ZNF529: variants seen among roughly 807,000 people sequenced by gnomAD.
ZNF529 encodes zinc finger protein 529.
ZNF529 carries 11 observed loss-of-function variants against 10.1 expected under a neutral mutation model. The observed-to-expected ratio is 1.09, with a 90% confidence interval of 0.69 to 1.81. The LOEUF is 1.81. Among genes scored for constraint, ZNF529 ranks in the 40% most tolerant of loss-of-function variants. The pLI is 0.00. For missense variants in ZNF529, 624 were observed against 666.8 expected, an observed-to-expected ratio of 0.94 and a Z score of 0.71; for synonymous variants, 204 against 215.7, an observed-to-expected ratio of 0.95 and a Z score of 0.47.
rs758717695 is a variant in ZNF529, at chr19:36,547,772, G to T, written c.786C>A (p.Thr262=). Residue 262 remains threonine (T), a synonymous_variant, in exon 5 of 5, where the codon ACC becomes ACA. Transcript: ENST00000591340. ...KFYKCKEYRR[T]FERVGKVTPL... ...GAGTAACTTTTCCAACTCTTTCAAA[G>T]GTCCTTCTGTATTCCTTACATTTAT... is the stretch of plus-strand genomic sequence containing the variant. 6.2e-7 allele frequency: 1 copy of T among 1,612,668 alleles called. No homozygotes were observed. The highest frequency in any genetic ancestry group is 8.5e-7 in the Non-Finnish European group (1 of 1,179,426).
In ZNF529 at chr19:36,554,669, C is replaced by T; in HGVS notation, c.235+1G>A. On this transcript the variant is annotated splice_donor_variant, in intron 4 of 4. Coordinates refer to ENST00000591340, the MANE Select transcript of ZNF529 (RefSeq NM_020951.5). LOFTEE classifies it high-confidence loss of function. ...AAGTTATTTAAGGCAGATAAATTTA[C>T]CCAGTGAGAGTAAGTTGCTGTAGTT... 1 of 1,550,310 alleles carries T rather than the reference C, an allele frequency of 6.5e-7. No individual in the cohort carries two copies. The highest frequency in any genetic ancestry group is 1.2e-5 in the South Asian group (1 of 82,896).
chr19:36,585,673 A>G (rs993769265), intron 2 of ZNF529, among the ~76,000 whole-genome samples: 2 of 152,362 alleles, frequency 1.3e-5, no homozygotes, highest in Non-Finnish European at 1.5e-5. Flanking sequence ...GGCACTCTGC[A>G]TACAAAAGAG....
At chr19:36,566,579 T>G (rs965426319) in intron 2 of ZNF529, among the ~76,000 whole-genome samples, 1 of 129,968 alleles carries the variant, frequency 7.7e-6, no homozygotes, top group Admixed American at 8.0e-5. Context: ...GTCCTAGCTG[T>G]TGGGGAGGTG....
chr19:36,556,229 C>G, intron 2 of ZNF529, 32 bp from the exon 3 acceptor site: 1 of 820,330 alleles, frequency 1.2e-6, no homozygotes, highest in East Asian at 2.7e-5. Flanking sequence ...AAAGAACCAC[C>G]ATTAAAAGTC....
At chr19:36,562,821 A>G (rs2035757006) in intron 2 of ZNF529, among the ~76,000 whole-genome samples, 1 of 140,882 alleles carries the variant, frequency 7.1e-6, no homozygotes, top group African/African-American at 2.7e-5. Flanking sequence ...ACAGAGCAAC[A>G]CTCTGTCTCC....
intron 2 of ZNF529, among the ~76,000 whole-genome samples, chr19:36,578,672 G>A (rs951912916): frequency 4.0e-5 from 6 of 150,676 alleles, no homozygotes; most frequent in East Asian, 2.0e-4. Flanking sequence ...ACAGTGGTGC[G>A]ATCTTGGCTT....
chr19:36,558,272 A>T (rs1415712662), intron 2 of ZNF529, among the ~76,000 whole-genome samples: 1 of 152,108 alleles, frequency 6.6e-6, no homozygotes, highest in Non-Finnish European at 1.5e-5. Context: ...GAAATAATGG[A>T]TTTGAAATTC....
intron 1 of ZNF529, among the ~76,000 whole-genome samples, chr19:36,597,869 G>A (rs1043071119): frequency 6.6e-6 from 1 of 152,118 alleles, no homozygotes; most frequent in Non-Finnish European, 1.5e-5. Context: ...AAAAGGAGAG[G>A]TACATGAAGG....
chr19:36,584,835 T>C (rs1182691004), intron 2 of ZNF529, among the ~76,000 whole-genome samples: 3 of 151,798 alleles, frequency 2.0e-5, no homozygotes, highest in African/African-American at 4.8e-5. Context: ...AAGAAGGAGA[T>C]ACCAATTAGT....
upstream of ZNF529, among the ~76,000 whole-genome samples, chr19:36,574,518 G>A (rs1476711408): frequency 6.6e-6 from 1 of 152,100 alleles, no homozygotes; most frequent in African/African-American, 2.4e-5. Flanking sequence ...TGGCCAAGAG[G>A]AGGGGTCCAT....
At chr19:36,589,001 G>A (rs2036645902) in intron 2 of ZNF529, among the ~76,000 whole-genome samples, 1 of 150,992 alleles carries the variant, frequency 6.6e-6, no homozygotes, top group Admixed American at 6.6e-5. Flanking sequence ...GGAGTGCAAT[G>A]GCACAGATCA....
chr19:36,552,445 T>TCAACAA (rs113463285), intron 4 of ZNF529, among the ~76,000 whole-genome samples: 2 of 151,620 alleles, frequency 1.3e-5, no homozygotes, highest in Non-Finnish European at 2.9e-5. Flanking sequence ...ATAAATAAAA[T>TCAACAA]CAACAACAAC....
At chr19:36,596,340 G>T (rs541087434) in intron 1 of ZNF529, among the ~76,000 whole-genome samples, 22 of 151,908 alleles carry the variant, frequency 1.4e-4, no homozygotes, top group Admixed American at 1.3e-3. Context: ...CTAAGGTGCT[G>T]GGATTACAGA....
chr19:36,584,583 A>G (rs1219323225), intron 2 of ZNF529, among the ~76,000 whole-genome samples: 1 of 152,066 alleles, frequency 6.6e-6, no homozygotes, highest in African/African-American at 2.4e-5. Context: ...CCTGGCCAAC[A>G]TGCTGAAACC....
At chr19:36,553,316 T>C (rs1279646977) in intron 4 of ZNF529, among the ~76,000 whole-genome samples, 1 of 151,954 alleles carries the variant, frequency 6.6e-6, no homozygotes, top group Non-Finnish European at 1.5e-5. Context: ...TTTTATATTT[T>C]AGTAGAGATG....
At chr19:36,549,873 T>G (rs920010651) in intron 4 of ZNF529, among the ~76,000 whole-genome samples, 3 of 152,158 alleles carry the variant, frequency 2.0e-5, no homozygotes, top group African/African-American at 7.2e-5. Flanking sequence ...ATTTCAGATA[T>G]TAAAATAATA....
rs1342691713 is a variant in ZNF529, at chr19:36,573,266, A to G, written c.-173T>C. On this transcript the variant is annotated 5_prime_UTR_variant, in exon 1 of 5. Transcript: ENST00000591340. ...CCGCAGCCCGGCCCGGGTCACCTCG[A>G]CTCGCCAGGCTTAACTCAATAACCA... The G allele has an allele frequency of 3.3e-6, 1 of 302,756 alleles. No individual in the cohort carries two copies. The highest frequency in any genetic ancestry group is 2.2e-5 in the African/African-American group (1 of 45,604). 18.8% of individuals were successfully genotyped at this position (302,756 alleles called of 1,614,324 possible).
chr19:36,582,707 T>TAAAAA, intron 2 of ZNF529: 1 of 112,704 alleles, frequency 8.9e-6, no homozygotes, highest in South Asian at 2.8e-4. Flanking sequence ...GACTCCATCT[T>TAAAAA]AAAAAAAAAA....
chr19:36,601,552 A>G (rs2036924202), intron 1 of ZNF529, among the ~76,000 whole-genome samples: 1 of 152,038 alleles, frequency 6.6e-6, no homozygotes, highest in African/African-American at 2.4e-5. Context: ...ATTGCACCTT[A>G]TATGTGAATG....
Sources: gnomAD v4.1 joint callset for allele counts (sites outside exome capture counted in the v4.1 genomes callset) on GRCh38, gnomAD v4.1.1 for gene constraint, MANE v1.5 for transcripts, NCBI Gene and HGNC (gene_info 2026-07-23, HGNC 2026-07-21) for gene names.